Variants in NAALADL2 observed in about 807,000 individuals in gnomAD.
The protein encoded by NAALADL2 is inactive N-acetylated-alpha-linked acidic dipeptidase-like protein 2.
NAALADL2 carries 76 observed loss-of-function variants against 87.2 expected under a neutral mutation model. The observed-to-expected ratio is 0.87, with a 90% CI of 0.72 to 1.05. The LOEUF (loss-of-function observed/expected upper bound fraction) is 1.05, where lower values mean the gene tolerates loss of function less well. Among genes scored for constraint, NAALADL2 ranks in the 50% least tolerant of loss-of-function variants. The pLI, the probability that NAALADL2 is intolerant of heterozygous loss-of-function variation, is 0.00. For missense variants in NAALADL2, 1,089 were observed against 945.8 expected (o/e 1.15, Z -1.99); for synonymous variants, 354 against 331.0 (o/e 1.07, Z -0.75).
intron 2 of NAALADL2, among the ~76,000 whole-genome samples, chr3:174,655,698 GA>G (rs1158343180): frequency 1.3e-5 from 2 of 151,982 alleles, no homozygotes; most frequent in Admixed American, 6.6e-5. Context: ...GATTTAAAAT[GA>G]AAAATGGAAT....
At position 174,758,555 on chromosome 3, in the gene NAALADL2, G is replaced by C. The variant is rs538186243; in HGVS notation, c.-9+20809G>C. Among the ~76,000 whole-genome samples the C allele has an allele frequency of 5.3e-5, 8 of 152,352 alleles. No individual in the cohort carries two copies. The South Asian group carries it at 1.7e-3, about 32-fold the overall frequency. ...GGGGAGCATCCTGAAGAGAGGATGA[G>C]TGCTTGTGAAAGGGAAGCCTCAGGC... On this transcript the variant is annotated intron_variant, in intron 3 of 3. Coordinates refer to the NAALADL2 transcript ENST00000434257.
At chr3:174,898,833 G>T (rs1270858387) in intron 1 of NAALADL2, among the ~76,000 whole-genome samples, 2 of 152,152 alleles carry the variant, frequency 1.3e-5, no homozygotes, top group African/African-American at 4.8e-5. Context: ...AGCAAGGAAA[G>T]TATCTTTGTG....
intron 11 of NAALADL2, among the ~76,000 whole-genome samples, chr3:175,693,614 G>A (rs1467637634): frequency 6.6e-6 from 1 of 152,058 alleles, no homozygotes; most frequent in Non-Finnish European, 1.5e-5. Flanking sequence ...CTTATCATAG[G>A]TAGCTCCATT....
chr3:175,329,990 C>T (rs1761201523), intron 5 of NAALADL2, among the ~76,000 whole-genome samples: 1 of 152,118 alleles, frequency 6.6e-6, no homozygotes, highest in East Asian at 1.9e-4. Context: ...CATAAAAAAT[C>T]AGTGTACCAT....
intron 9 of NAALADL2, among the ~76,000 whole-genome samples, chr3:175,533,315 C>T (rs1035079774): frequency 1.3e-5 from 2 of 152,208 alleles, no homozygotes; most frequent in Admixed American, 1.3e-4. Flanking sequence ...CACAATCACC[C>T]TTGCCCCTAG....
At chr3:175,149,226 C>G (rs1731199848) in intron 2 of NAALADL2, among the ~76,000 whole-genome samples, 1 of 152,026 alleles carries the variant, frequency 6.6e-6, no homozygotes, top group African/African-American at 2.4e-5. Flanking sequence ...ATAAACAAAC[C>G]TGTTTTAAAA....
chr3:174,940,613 G>A (rs1256394673), intron 1 of NAALADL2, among the ~76,000 whole-genome samples: 1 of 152,050 alleles, frequency 6.6e-6, no homozygotes, highest in Non-Finnish European at 1.5e-5. Flanking sequence ...TGTCCCTGTA[G>A]TAGAATTCAG....
chr3:175,429,168 T>C (rs1004406650), intron 5 of NAALADL2, among the ~76,000 whole-genome samples: 2 of 128,268 alleles, frequency 1.6e-5, no homozygotes, highest in Non-Finnish European at 3.1e-5. Context: ...TATAGTAATA[T>C]ATATATGTAC....
chr3:175,538,520 A>G (rs998110445), intron 9 of NAALADL2, among the ~76,000 whole-genome samples: 6 of 152,270 alleles, frequency 3.9e-5, no homozygotes, highest in Middle Eastern at 3.4e-3. Context: ...GCTTTGTTCA[A>G]ACTTTCTTCC....
At chr3:175,691,458 C>CT (rs1311025690) in intron 11 of NAALADL2, among the ~76,000 whole-genome samples, 4 of 151,558 alleles carry the variant, frequency 2.6e-5, no homozygotes, top group African/African-American at 9.7e-5. Context: ...CCTTATGAAA[C>CT]TATTAATTTG....
chr3:174,974,696 A>T (rs1328262043), intron 1 of NAALADL2, among the ~76,000 whole-genome samples: 1 of 152,188 alleles, frequency 6.6e-6, no homozygotes, highest in Non-Finnish European at 1.5e-5. Context: ...TGATATAATC[A>T]GGAGATATAA....
chr3:174,957,601 A>AT (rs879377095), intron 1 of NAALADL2, among the ~76,000 whole-genome samples: 3,436 of 146,392 alleles, frequency 0.023, 114 homozygotes, highest in African/African-American at 0.078. Flanking sequence ...TGGTAGGAGA[A>AT]TTTTTTTTTT....
intron 2 of NAALADL2, among the ~76,000 whole-genome samples, chr3:174,608,288 C>G (rs1406741627): frequency 1.3e-5 from 2 of 152,072 alleles, no homozygotes; most frequent in Non-Finnish European, 2.9e-5. Context: ...CATTCAGAAG[C>G]TAGCAGAAGG....
At chr3:175,027,592 A>C (rs1752362559) in intron 1 of NAALADL2, among the ~76,000 whole-genome samples, 1 of 152,108 alleles carries the variant, frequency 6.6e-6, no homozygotes, top group Non-Finnish European at 1.5e-5. Context: ...TTAAGCATTC[A>C]ATCAGCTCTT....
intron 1 of NAALADL2, among the ~76,000 whole-genome samples, chr3:174,873,965 C>T (rs890231143): frequency 6.6e-6 from 1 of 152,004 alleles, no homozygotes; most frequent in Admixed American, 6.6e-5. Flanking sequence ...GGCATACTGG[C>T]ATGACTAGTG....
At chr3:174,847,990 C>G (rs1424421788) in intron 3 of NAALADL2, among the ~76,000 whole-genome samples, 1 of 150,344 alleles carries the variant, frequency 6.7e-6, no homozygotes, top group African/African-American at 2.4e-5. Context: ...TCTAAGTATT[C>G]TAACTCTTTT....
intron 4 of NAALADL2, 74 bp from the exon 5 acceptor site, chr3:175,324,101 C>A: frequency 4.5e-6 from 5 of 1,121,760 alleles, no homozygotes; most frequent in South Asian, 3.2e-5. Context: ...ATCATAGCCA[C>A]ATTGGCAAAA....
intron 1 of NAALADL2, among the ~76,000 whole-genome samples, chr3:174,909,905 A>G (rs1431868331): frequency 6.6e-6 from 1 of 152,128 alleles, no homozygotes; most frequent in Admixed American, 6.5e-5. Flanking sequence ...CATTTGGTTA[A>G]TATATTTAAC....
At chr3:174,555,974 C>CGT (rs66968495) in intron 2 of NAALADL2, among the ~76,000 whole-genome samples, 13,821 of 142,418 alleles carry the variant, frequency 0.097, 675 homozygotes, top group Non-Finnish European at 0.11. Context: ...CCTTATCCTC[C>CGT]GTGTGTGTGT....
Sources: allele counts gnomAD v4.1 joint callset (sites outside exome capture counted in the v4.1 genomes callset), GRCh38; gene constraint gnomAD v4.1.1; transcripts MANE v1.5; gene names NCBI Gene and HGNC (gene_info 2026-07-23, HGNC 2026-07-21).